Variants in SASH1 observed in about 807,000 individuals in gnomAD.
SASH1 encodes SAM and SH3 domain-containing protein 1.
A neutral mutation model predicts 125.2 loss-of-function variants in SASH1; 44 were observed. That is an observed-to-expected ratio of 0.35 (90% CI 0.28 to 0.45). The LOEUF is 0.45. Among genes scored for constraint, SASH1 ranks in the 20% least tolerant of loss-of-function variants. The pLI is 1.00. For missense variants in SASH1, 1,426 were observed against 1,614.5 expected, an observed-to-expected ratio of 0.88 and a Z score of 2.00; for synonymous variants, 639 against 649.1, an observed-to-expected ratio of 0.98 and a Z score of 0.24.
chr6:148,287,724 G>A (rs903299248), intron 1 of SASH1, among the ~76,000 whole-genome samples: 4 of 151,506 alleles, frequency 2.6e-5, no homozygotes, highest in African/African-American at 7.3e-5. Context: ...TTCCTCTGTT[G>A]TTTGCAACAC....
At chr6:148,503,911 C>T (rs1410126400) in intron 8 of SASH1, among the ~76,000 whole-genome samples, 3 of 152,178 alleles carry the variant, frequency 2.0e-5, no homozygotes, top group Non-Finnish European at 4.4e-5. Context: ...TCTCTTACTA[C>T]TTTGTGCATT....
At chr6:148,482,979 G>A (rs1184911817) in intron 7 of SASH1, among the ~76,000 whole-genome samples, 1 of 152,104 alleles carries the variant, frequency 6.6e-6, no homozygotes, top group Non-Finnish European at 1.5e-5. Context: ...GTGAGCCACC[G>A]TGCCTGGTTC....
At chr6:148,288,073 G>A (rs1344806322) in intron 1 of SASH1, among the ~76,000 whole-genome samples, 1 of 152,180 alleles carries the variant, frequency 6.6e-6, no homozygotes, top group East Asian at 1.9e-4. Flanking sequence ...CGCCCTAACT[G>A]GCCGTGCTTG....
intron 1 of SASH1, among the ~76,000 whole-genome samples, chr6:148,299,615 C>G (rs991010603): frequency 6.7e-6 from 1 of 148,598 alleles, no homozygotes; most frequent in Admixed American, 6.7e-5. Flanking sequence ...TGCAGTGAAC[C>G]GAGATCACGC....
At chr6:148,434,694 A>T (rs1240025359) in intron 2 of SASH1, among the ~76,000 whole-genome samples, 2 of 152,080 alleles carry the variant, frequency 1.3e-5, no homozygotes, top group Non-Finnish European at 2.9e-5. Flanking sequence ...AAATCTTCTC[A>T]CCTCACCAGC....
chr6:148,540,511 C>T lies in SASH1; in HGVS notation c.2164C>T (p.Pro722Ser). The T allele has an allele frequency of 5.6e-6, 9 of 1,614,062 alleles. No homozygotes were observed. The highest frequency in any genetic ancestry group is 7.6e-6 in the Non-Finnish European group (9 of 1,180,006). Residue 722 changes from proline (P) to serine (S), a missense_variant, in exon 17 of 20, where the codon CCC becomes TCC. By Grantham distance (74) the Pro-to-Ser change is moderately conservative. Coordinates refer to ENST00000367467, the MANE Select transcript of SASH1 (RefSeq NM_015278.5). ...CAGCCAGGGCCTGAGTGGATGCTCA[C>T]CCCGAGACTCAGGATGCTACGAAAG... ...VDSQGLSGCS[P>S]RDSGCYESSE...
chr6:148,258,580 C>T, the SASH1 span, among the ~76,000 whole-genome samples: 3 of 152,130 alleles, frequency 2.0e-5, no homozygotes, highest in Admixed American at 6.5e-5. Context: ...GATTACCTTA[C>T]TCCACATGTA....
chr6:148,440,782 T>C (rs1298397457), intron 4 of SASH1: 1 of 193,284 alleles, frequency 5.2e-6, no homozygotes, highest in Non-Finnish European at 1.1e-5. Flanking sequence ...AAATATACTA[T>C]ATTCCAGAAT....
chr6:148,241,803 AT>A, the SASH1 span, among the ~76,000 whole-genome samples: 1 of 152,224 alleles, frequency 6.6e-6, no homozygotes, highest in Non-Finnish European at 1.5e-5. Flanking sequence ...TTATCTGGGC[AT>A]GGGGCTAATT....
chr6:148,221,650 G>C, the SASH1 span, among the ~76,000 whole-genome samples: 1 of 152,210 alleles, frequency 6.6e-6, no homozygotes, highest in Non-Finnish European at 1.5e-5. Flanking sequence ...GATTTGATTT[G>C]AGTTCATCTA....
chr6:148,472,681 C>A (rs1026624389), intron 6 of SASH1, among the ~76,000 whole-genome samples: 7 of 152,148 alleles, frequency 4.6e-5, no homozygotes, highest in African/African-American at 1.7e-4. Flanking sequence ...GCAAAGGGAA[C>A]TTGAGGGAAC....
intron 8 of SASH1, 73 bp from the exon 9 acceptor site, chr6:148,514,251 C>T (rs975163306): frequency 5.0e-5 from 77 of 1,536,520 alleles, no homozygotes; most frequent in Non-Finnish European, 6.2e-5. Flanking sequence ...GCAGCAAGGC[C>T]GGCTACATCC....
chr6:148,314,857 A>C (rs1434449769), intron 1 of SASH1, among the ~76,000 whole-genome samples: 3 of 151,562 alleles, frequency 2.0e-5, no homozygotes, highest in African/African-American at 7.3e-5. Flanking sequence ...CCTGGGTTCA[A>C]GTGATTCTCC....
intron 2 of SASH1, among the ~76,000 whole-genome samples, chr6:148,403,694 G>A (rs1784267553): frequency 6.6e-6 from 1 of 151,946 alleles, no homozygotes; most frequent in Non-Finnish European, 1.5e-5. Context: ...ACCACCCCTG[G>A]CTGATTTTTG....
At position 148,482,573 on chromosome 6, in the gene SASH1, G is replaced by C. The variant is rs139909294; in HGVS notation, c.628-5041G>C. On this transcript the variant is annotated intron_variant, in intron 7 of 19. Transcript: ENST00000367467. The stretch of plus-strand genomic sequence containing the variant: ...ATCTTGCTCTGTAGCCCATGCTAGA[G>C]TGCAGTGGCGTGATAATGGTTCACT... 1.4e-4 allele frequency among the ~76,000 whole-genome samples: 22 copies of C among 151,848 alleles called. No individual in the cohort carries two copies. The East Asian group carries it at 4.3e-3, about 29-fold the overall frequency.
rs150226719 is a variant in SASH1 at position 148,433,689 on chromosome 6, G to A, written c.286-6495G>A. The stretch of plus-strand genomic sequence containing the variant: ...AAAGTGCTGGTGAGCCACCATGCCC[G>A]GCCTGTTTTAACATTTCTTAGGTAG... On this transcript the variant is annotated intron_variant, in intron 2 of 19. Transcript: ENST00000367467. 2.2e-3 allele frequency among the ~76,000 whole-genome samples: 338 copies of A among 151,922 alleles called. 1 individual carries two copies. Among genetic ancestry groups the A allele is most frequent in the African/African-American group, 7.7e-3 (318 of 41,468 alleles).
chr6:148,256,027 C>T, the SASH1 span, among the ~76,000 whole-genome samples: 2 of 152,132 alleles, frequency 1.3e-5, no homozygotes, highest in African/African-American at 2.4e-5. Flanking sequence ...TTGTCCCTTT[C>T]GTAGTGGTAA....
chr6:148,484,277 C>T (rs1778747828), intron 7 of SASH1, among the ~76,000 whole-genome samples: 1 of 152,002 alleles, frequency 6.6e-6, no homozygotes, highest in South Asian at 2.1e-4. Context: ...TCATGGACTT[C>T]AACTGTGAGA....
intron 1 of SASH1, among the ~76,000 whole-genome samples, chr6:148,365,507 A>G (rs1377126124): frequency 2.0e-5 from 3 of 151,766 alleles, no homozygotes; most frequent in Non-Finnish European, 2.9e-5. Context: ...GGAGGGGGTC[A>G]TACTGAAGTA....
Sources: allele counts gnomAD v4.1 joint callset (sites outside exome capture counted in the v4.1 genomes callset), GRCh38; gene constraint gnomAD v4.1.1; transcripts MANE v1.5; gene names NCBI Gene and HGNC (gene_info 2026-07-23, HGNC 2026-07-21).